POMT1: variants seen among roughly 807,000 people sequenced by gnomAD.
POMT1 encodes the protein protein O-mannosyltransferase 1, also known as protein O-mannosyl-transferase 1.
A neutral mutation model predicts 101.6 loss-of-function variants in POMT1; 85 were observed. That is an observed-to-expected ratio of 0.84 (90% CI 0.70 to 1.00). The LOEUF is 1.00. POMT1 is among the 50% of genes least tolerant of loss of function. The pLI is 0.00. For missense variants in POMT1, 857 were observed against 930.4 expected (o/e 0.92, Z 1.03); for synonymous variants, 371 against 383.0 (o/e 0.97, Z 0.37).
In POMT1 at chr9:131,521,340, C is replaced by A; in HGVS notation, c.1699-6C>A. ...GTGGCTAACAGCATCTCCCATGTTC[C>A]CTTAGGCTCAGATCCACCTACTTGG... On this transcript the variant is annotated splice_region_variant and splice_polypyrimidine_tract_variant and intron_variant, in intron 17 of 19. Transcript: ENST00000402686. 1.2e-6 allele frequency: 2 copies of A among 1,614,148 alleles called. No homozygotes were observed. The highest frequency in any genetic ancestry group is 1.7e-6 in the Non-Finnish European group (2 of 1,180,026).
chr9:131,510,983 G>GA, intron 9 of POMT1: 1 of 294,866 alleles, frequency 3.4e-6, no homozygotes, highest in South Asian at 3.8e-5. Flanking sequence ...GGCCAGTGCT[G>GA]TAGTGCTGTG....
At chr9:131,505,767 G>A (rs1945665875) in intron 2 of POMT1, among the ~76,000 whole-genome samples, 1 of 150,220 alleles carries the variant, frequency 6.7e-6, no homozygotes, top group African/African-American at 2.5e-5. Flanking sequence ...CGGGGGTGGG[G>A]GGGTTGGGTA....
intron 13 of POMT1, among the ~76,000 whole-genome samples, chr9:131,516,040 C>CTAACACGGAGCACTTCCTCTA (rs74207135): frequency 9.5e-5 from 1 of 10,544 alleles, no homozygotes; most frequent in African/African-American, 2.5e-4. Context: ...AGCACTTCCT[C>CTAACACGGAGCACTTCCTCTA]ACACGGAGCA....
intron 5 of POMT1, 119 bp from the exon 6 acceptor site, chr9:131,508,792 C>G (rs918180141): frequency 1.4e-6 from 1 of 735,514 alleles, no homozygotes; most frequent in Non-Finnish European, 2.4e-6. Context: ...TTAACATTCA[C>G]AACAGCCCCA....
In POMT1 at chr9:131,511,350, G is replaced by A. The variant is rs1947077352; in HGVS notation, c.869G>A (p.Arg290Gln). Residue 290 changes from arginine (R) to glutamine (Q), a missense_variant, in exon 10 of 20, where the codon CGG becomes CAG. Coordinates refer to ENST00000402686, the MANE Select transcript of POMT1 (RefSeq NM_001077365.2). Reference protein sequence around the residue: ...FQASLEGGLARITQGQPLEVA... With the variant: ...FQASLEGGLAQITQGQPLEVA... ...CTTCTGTCTCAGGGAGGACTAGCTC[G>A]GATCACTCAGGGTCAGCCACTGGAG... 2.5e-6 allele frequency: 4 copies of A among 1,613,056 alleles called. No homozygotes were observed. Among genetic ancestry groups the A allele is most frequent in the African/African-American group, 1.3e-5 (1 of 74,994 alleles).
chr9:131,508,740 A>G (rs1202243404), intron 5 of POMT1, among the ~76,000 whole-genome samples, 171 bp from the exon 6 acceptor site: 1 of 152,210 alleles, frequency 6.6e-6, no homozygotes, highest in Non-Finnish European at 1.5e-5. Flanking sequence ...AGAGATGTGT[A>G]TTGGGTGATG....
chr9:131,505,086 TTTTG>T (rs56308429), intron 2 of POMT1, among the ~76,000 whole-genome samples: 134,742 of 151,530 alleles, frequency 0.89, 60,556 homozygotes, highest in South Asian at 0.97. Flanking sequence ...GCATGTTCTT[TTTTG>T]TTTAACTTTT....
Position 131,504,281 on chromosome 9 carries a change from C to G in POMT1, c.63C>G (p.Ala21=). 1 of 1,614,164 alleles carries G rather than the reference C, an allele frequency of 6.2e-7. No homozygotes were observed. Among genetic ancestry groups the G allele is most frequent in the South Asian group, 1.1e-5 (1 of 91,082 alleles). ...CTGACATCAACTTGAGCCTTGTGGC[C>G]CTGACTGGGATGGGGTTACTGAGCC... ...VTADINLSLV[A]LTGMGLLSRL... is the part of the protein sequence containing the mutation. The change falls in exon 2 of 20, where the codon GCC becomes GCG. Residue 21 remains alanine, a synonymous_variant. Coordinates refer to ENST00000402686, the MANE Select transcript of POMT1 (RefSeq NM_001077365.2).
rs1554773974 is a variant in POMT1 at position 131,509,776 on chromosome 9, ACT to A, written c.574_575del (p.Leu192AspfsTer139). ...FSLSWWFWLT[L>X]TGVACSCAVG... ...CTCTGAGCTGGTGGTTCTGGCTAAC[ACT>A]GACAGGGGTCGCTTGTTCCTGTGCA... On this transcript the variant is annotated frameshift_variant, in exon 7 of 20. Transcript: ENST00000402686. LOFTEE classifies it high-confidence loss of function. 1 of 1,614,196 alleles carries A rather than the reference ACT, an allele frequency of 6.2e-7. No homozygotes were observed.
rs969060990 is a variant in POMT1 at position 131,503,644 on chromosome 9, G to T, written c.-30-545G>T. On this transcript the variant is annotated intron_variant, in intron 1 of 19. Coordinates refer to ENST00000402686, the MANE Select transcript of POMT1 (RefSeq NM_001077365.2). The surrounding 1 kb of genome is among the most constrained non-coding windows in gnomAD (Gnocchi z 4.4). ...ATGAAGCCTGGAGGAGAACGTGGGG[G>T]CGCAGGGTGCAAATGCACCCTCCAG... Among the ~76,000 whole-genome samples, 2 of 152,206 alleles carry T rather than the reference G, an allele frequency of 1.3e-5. No homozygotes were observed.
chr9:131,516,371 C>A (rs552930645), intron 13 of POMT1, among the ~76,000 whole-genome samples: 4 of 147,264 alleles, frequency 2.7e-5, no homozygotes, highest in Non-Finnish European at 4.6e-5. Context: ...GGAGCACTTC[C>A]TCTAACAGAA....
At position 131,506,573 on chromosome 9, in the gene POMT1, CTG is replaced by C. The variant is rs369955006; in HGVS notation, c.280+123_280+124del. The C allele has an allele frequency of 3.3e-3, 3,097 of 925,760 alleles. 8 individuals carry two copies. The highest frequency in any genetic ancestry group is 4.5e-3 in the Non-Finnish European group (2,535 of 560,908). The allele number at this position is 925,760 out of a possible 1,614,324, so 57.3% of individuals were successfully genotyped here. ...CCTTTCATACCTAGTCCCACAGAAA[CTG>C]TGCCTTATTAATCTGAGTCCAGAAA... On this transcript the variant is annotated intron_variant, in intron 4 of 19. Coordinates refer to ENST00000402686, the MANE Select transcript of POMT1 (RefSeq NM_001077365.2).
chr9:131,519,400 AG>A lies in POMT1; in HGVS notation c.1501del (p.Glu501SerfsTer34), dbSNP rs1949446420. 6.4e-7 allele frequency: 1 copy of A among 1,551,836 alleles called. No homozygotes were observed. The highest frequency in any genetic ancestry group is 8.7e-7 in the Non-Finnish European group (1 of 1,147,216). ...EHRYGASQEQ[R>X]ERERELHSPA... ...GTCTGTTCTGCCAGGCCAGGAGCAG[AG>A]GGAGCGGGAACGGGAGCTGCACTCA... is the stretch of plus-strand genomic sequence containing the variant. On this transcript the variant is annotated frameshift_variant, in exon 16 of 20. Coordinates refer to ENST00000402686, the MANE Select transcript of POMT1 (RefSeq NM_001077365.2). LOFTEE classifies it high-confidence loss of function. This position sits in a 1 kb window ranked among gnomAD's most constrained non-coding sequence, Gnocchi z 4.3.
chr9:131,521,621 ATT>A, intron 18 of POMT1, 149 bp downstream of exon 18: 1 of 1,012,792 alleles, frequency 9.9e-7, no homozygotes, highest in Non-Finnish European at 1.5e-6. Flanking sequence ...TGCGCTGAGC[ATT>A]CACCGCCTCA....
intron 6 of POMT1, 126 bp downstream of exon 6, chr9:131,509,148 T>G: frequency 1.4e-6 from 1 of 724,324 alleles, no homozygotes; most frequent in Non-Finnish European, 2.4e-6. Context: ...TTTTGAGGAG[T>G]TGCTTGCTAA....
At chr9:131,510,456 A>G (rs1233896585) in intron 9 of POMT1, 41 bp downstream of exon 9, 46 of 1,589,120 alleles carry the variant, frequency 2.9e-5, no homozygotes, top group Non-Finnish European at 3.8e-5. Context: ...GAGAAGGAAG[A>G]TGATAGTGGA....
intron 18 of POMT1, 95 bp from the exon 19 acceptor site, chr9:131,521,952 C>G: frequency 6.3e-7 from 1 of 1,588,624 alleles, no homozygotes; most frequent in South Asian, 1.1e-5. Context: ...GCCTGGGCAA[C>G]ATAGTAAGAA....
chr9:131,504,084 C>A (rs1385609238), intron 1 of POMT1, 105 bp from the exon 2 acceptor site: 12 of 1,367,536 alleles, frequency 8.8e-6, no homozygotes, highest in Middle Eastern at 2.4e-4. Flanking sequence ...AGCAGCCCGG[C>A]TGTGCTGTGG....
rs1482588662 is a variant in POMT1, at chr9:131,504,290, G to A, written c.72G>A (p.Gly24=). 1.2e-6 allele frequency: 2 copies of A among 1,614,230 alleles called. No individual in the cohort carries two copies. Among genetic ancestry groups the A allele is most frequent in the Non-Finnish European group, 1.7e-6 (2 of 1,180,046 alleles). Residue 24 remains glycine, a synonymous_variant, in exon 2 of 20, where the codon GGG becomes GGA. Transcript: ENST00000402686. Reference sequence around the variant, plus strand: ...ACTTGAGCCTTGTGGCCCTGACTGGGATGGGGTTACTGAGCCGGCTGTGGC... The same window carrying A: ...ACTTGAGCCTTGTGGCCCTGACTGGAATGGGGTTACTGAGCCGGCTGTGGC... ...DINLSLVALT[G]MGLLSRLWRL...
Sources: gnomAD v4.1 joint callset for allele counts (sites outside exome capture counted in the v4.1 genomes callset) on GRCh38, gnomAD v4.1.1 for gene constraint, Gnocchi (gnomAD v3.1) non-coding constraint, MANE v1.5 for transcripts, NCBI Gene and HGNC (gene_info 2026-07-23, HGNC 2026-07-21) for gene names.